GRIP2: variants seen among roughly 807,000 people sequenced by gnomAD.
GRIP2 encodes the protein glutamate receptor interacting protein 2, also known as glutamate receptor-interacting protein 2.
A neutral mutation model predicts 108.3 loss-of-function variants in GRIP2; 58 were observed. That is an observed-to-expected ratio of 0.54 (90% CI 0.43 to 0.67). GRIP2 has a LOEUF of 0.67. Among genes scored for constraint, GRIP2 ranks in the 30% least tolerant of loss-of-function variants. GRIP2 has a pLI of 0.00. For synonymous variants in GRIP2, 586 were observed against 598.2 expected, an observed-to-expected ratio of 0.98 and a Z score of 0.30; for missense variants, 1,278 against 1,430.6, an observed-to-expected ratio of 0.89 and a Z score of 1.72.
chr3:14,552,061 C>CA (rs56353814), intron 1 of GRIP2, among the ~76,000 whole-genome samples: 3 of 150,090 alleles, frequency 2.0e-5, no homozygotes, highest in Non-Finnish European at 3.0e-5. Flanking sequence ...CTTCTTGATT[C>CA]AAAAAAAAAG....
At chr3:14,573,419 G>A in the GRIP2 span, 2 of 1,360,582 alleles carry the variant, frequency 1.5e-6, no homozygotes, top group Non-Finnish European at 2.1e-6. Flanking sequence ...GGTAGTGCAG[G>A]ATCCTGGTGT....
intron 1 of GRIP2, among the ~76,000 whole-genome samples, chr3:14,532,974 G>A (rs78353633): frequency 0.012 from 1,885 of 152,354 alleles, 16 homozygotes; most frequent in East Asian, 0.029. Flanking sequence ...CGCCAGACCA[G>A]GGCTGGGCTC....
At chr3:14,553,591 A>C (rs1285121604) in intron 1 of GRIP2, among the ~76,000 whole-genome samples, 2 of 152,200 alleles carry the variant, frequency 1.3e-5, no homozygotes, top group African/African-American at 4.8e-5. Context: ...GGGGTCTCAC[A>C]TGGCCATGTG....
chr3:14,553,309 A>G (rs1264808852), intron 1 of GRIP2, among the ~76,000 whole-genome samples: 1 of 151,004 alleles, frequency 6.6e-6, no homozygotes, highest in African/African-American at 2.4e-5. Context: ...GGGTTTCACT[A>G]TATGTTGGCC....
upstream of GRIP2, among the ~76,000 whole-genome samples, chr3:14,557,488 G>A (rs139941165): frequency 3.0e-3 from 461 of 152,362 alleles, 5 homozygotes; most frequent in African/African-American, 0.01. Flanking sequence ...GGGAGGCTCT[G>A]TTGGGGCAAC....
chr3:14,508,643 AAT>A (rs1225200236), intron 17 of GRIP2, among the ~76,000 whole-genome samples: 8 of 152,114 alleles, frequency 5.3e-5, no homozygotes, highest in Admixed American at 5.2e-4. Context: ...TGTAGTGTCC[AAT>A]ATGGCAGCCA....
At chr3:14,569,773 C>T in the GRIP2 span, among the ~76,000 whole-genome samples, 1 of 152,190 alleles carries the variant, frequency 6.6e-6, no homozygotes, top group Non-Finnish European at 1.5e-5. Context: ...CAGAGCCTCA[C>T]AAGCACCCTG....
chr3:14,553,592 T>C (rs1695187553), intron 1 of GRIP2, among the ~76,000 whole-genome samples: 1 of 152,186 alleles, frequency 6.6e-6, no homozygotes, highest in African/African-American at 2.4e-5. Flanking sequence ...GGGTCTCACA[T>C]GGCCATGTGG....
chr3:14,499,817 T>A (rs1693719004), intron 21 of GRIP2, among the ~76,000 whole-genome samples: 1 of 152,172 alleles, frequency 6.6e-6, no homozygotes. Flanking sequence ...TTGGTTTCCC[T>A]GGGCCATGTG....
chr3:14,591,528 A>G, the GRIP2 span, among the ~76,000 whole-genome samples: 1 of 152,224 alleles, frequency 6.6e-6, no homozygotes, highest in African/African-American at 2.4e-5. Context: ...ATGAAATGAT[A>G]TAAAAGAAGT....
chr3:14,563,229 TA>T, the GRIP2 span, among the ~76,000 whole-genome samples: 1 of 152,082 alleles, frequency 6.6e-6, no homozygotes, highest in Non-Finnish European at 1.5e-5. Flanking sequence ...GCTGCTGTTG[TA>T]ATTAGAGTTG....
intron 1 of GRIP2, among the ~76,000 whole-genome samples, chr3:14,527,148 C>T (rs1409298415): frequency 6.6e-6 from 1 of 152,108 alleles, no homozygotes. Flanking sequence ...GATTGCGCCA[C>T]TGCATTCCAG....
Position 14,495,024 on chromosome 3 carries a change from C to T in GRIP2, c.2824-35G>A, listed in dbSNP as rs558734946. 5.6e-6 allele frequency: 9 copies of T among 1,608,496 alleles called. No individual in the cohort carries two copies. The East Asian group carries it at 2.0e-4, about 36-fold the overall frequency. The stretch of plus-strand genomic sequence containing the variant: ...GAAGGAGGAGGAGGTTCCTGGAACT[C>T]TGACCTTTGCCCCCAGCCTCTCACA... On this transcript the variant is annotated intron_variant, in intron 22 of 23. Transcript: ENST00000621039.
At chr3:14,503,282 G>A (rs1693819087) in intron 21 of GRIP2, among the ~76,000 whole-genome samples, 1 of 152,162 alleles carries the variant, frequency 6.6e-6, no homozygotes, top group African/African-American at 2.4e-5. Context: ...TCACATGCAT[G>A]CATACACATA....
upstream of GRIP2, among the ~76,000 whole-genome samples, chr3:14,541,369 G>T (rs1022396961): frequency 1.2e-4 from 19 of 152,192 alleles, no homozygotes; most frequent in Non-Finnish European, 2.1e-4. Context: ...GACAGACAAG[G>T]CCTGGCTCCC....
chr3:14,540,147 G>C lies in GRIP2; in HGVS notation c.40+122C>G, dbSNP rs1043444140. 6 of 1,271,652 alleles carry C rather than the reference G, an allele frequency of 4.7e-6. No homozygotes were observed. The African/African-American group carries it at 8.9e-5, about 19-fold the overall frequency. 78.8% of individuals were successfully genotyped at this position (1,271,652 alleles called of 1,614,324 possible). A position where few individuals can be genotyped will look rare whatever the true frequency, so the allele number is the denominator to read the frequency against. Reference sequence around the variant, plus strand: ...TCCTGCCCCACCCTCCCCAAGCCCTGGGTCTCCAGGGAGTGGCAGTCCCAG... The same window carrying C: ...TCCTGCCCCACCCTCCCCAAGCCCTCGGTCTCCAGGGAGTGGCAGTCCCAG... On this transcript the variant is annotated intron_variant, in intron 1 of 23. Coordinates refer to ENST00000621039, the MANE Select transcript of GRIP2 (RefSeq NM_001080423.4). This position sits in a 1 kb window ranked among gnomAD's most constrained non-coding sequence, Gnocchi z 4.1.
chr3:14,558,976 G>A (rs1351408891), upstream of GRIP2, among the ~76,000 whole-genome samples: 1 of 152,224 alleles, frequency 6.6e-6, no homozygotes, highest in African/African-American at 2.4e-5. Flanking sequence ...GGGTGGATCT[G>A]TCCATTACGC....
the GRIP2 span, among the ~76,000 whole-genome samples, chr3:14,586,685 C>T: frequency 1.3e-5 from 2 of 152,076 alleles, no homozygotes; most frequent in East Asian, 1.9e-4. Flanking sequence ...ATAACATCTG[C>T]GGGGGGAAAG....
At chr3:14,528,627 A>G (rs759503418) in intron 1 of GRIP2, among the ~76,000 whole-genome samples, 1 of 151,930 alleles carries the variant, frequency 6.6e-6, no homozygotes, top group Non-Finnish European at 1.5e-5. Flanking sequence ...AGGCCAGGGT[A>G]GAAGGATTGC....
Sources: allele counts gnomAD v4.1 joint callset (sites outside exome capture counted in the v4.1 genomes callset), GRCh38; gene constraint gnomAD v4.1.1; non-coding constraint Gnocchi (gnomAD v3.1); transcripts MANE v1.5; gene names NCBI Gene and HGNC (gene_info 2026-07-23, HGNC 2026-07-21).